The following CYP2J2 variants were observed in gnomAD, a reference collection of about 807,000 sequenced individuals.
CYP2J2 encodes the protein cytochrome P450 family 2 subfamily J member 2.
CYP2J2 carries 41 observed loss-of-function variants against 48.8 expected under a neutral mutation model. The observed-to-expected ratio is 0.84, with a 90% CI of 0.66 to 1.09. The LOEUF is 1.09. CYP2J2 is among the 50% of genes least tolerant of loss of function. The pLI is 0.00. For missense variants in CYP2J2, 644 were observed against 617.3 expected (o/e 1.04, Z -0.46); for synonymous variants, 221 against 227.1 (o/e 0.97, Z 0.24).
At chr1:59,964,077 G>A in the CYP2J2 span, among the ~76,000 whole-genome samples, 1 of 152,120 alleles carries the variant, frequency 6.6e-6, no homozygotes, top group African/African-American at 2.4e-5. Flanking sequence ...GAAAACACAA[G>A]ACCAGCCTCT....
intron 4 of CYP2J2, among the ~76,000 whole-genome samples, chr1:59,910,327 G>A (rs541158563): frequency 1.7e-3 from 266 of 152,280 alleles, no homozygotes; most frequent in Middle Eastern, 0.01. Flanking sequence ...AGAAATATAT[G>A]CTGAAATATT....
chr1:59,942,319 G>C, the CYP2J2 span, among the ~76,000 whole-genome samples: 4 of 152,078 alleles, frequency 2.6e-5, no homozygotes, highest in Non-Finnish European at 5.9e-5. Flanking sequence ...AATAGAGCTA[G>C]TTATAGTTGA....
chr1:59,924,611 T>G (rs1183518714), intron 1 of CYP2J2, among the ~76,000 whole-genome samples: 1 of 152,082 alleles, frequency 6.6e-6, no homozygotes, highest in Non-Finnish European at 1.5e-5. Flanking sequence ...CAGCTACATC[T>G]GCATATCGTA....
At chr1:59,909,242 A>G (rs1310419223) in intron 5 of CYP2J2, among the ~76,000 whole-genome samples, 1 of 152,134 alleles carries the variant, frequency 6.6e-6, no homozygotes, top group Non-Finnish European at 1.5e-5. Flanking sequence ...CTGAGTAATG[A>G]CCCGCAAAGA....
At chr1:59,949,061 A>G in the CYP2J2 span, among the ~76,000 whole-genome samples, 1 of 151,704 alleles carries the variant, frequency 6.6e-6, no homozygotes, top group Non-Finnish European at 1.5e-5. Flanking sequence ...AAATGAAAGA[A>G]AAAGAACAGA....
chr1:59,946,838 T>A, the CYP2J2 span, among the ~76,000 whole-genome samples: 1 of 152,220 alleles, frequency 6.6e-6, no homozygotes, highest in Non-Finnish European at 1.5e-5. Flanking sequence ...TCTTTGAAAT[T>A]ATAATACCTA....
chr1:59,950,973 T>C, the CYP2J2 span, among the ~76,000 whole-genome samples: 2 of 152,192 alleles, frequency 1.3e-5, no homozygotes. Flanking sequence ...GCACCACTTC[T>C]GCCAGATTCT....
At chr1:59,965,061 T>C in the CYP2J2 span, among the ~76,000 whole-genome samples, 1 of 152,210 alleles carries the variant, frequency 6.6e-6, no homozygotes, top group South Asian at 2.1e-4. Flanking sequence ...AACATAATTA[T>C]GAGTATATGA....
chr1:59,895,543 A>G (rs898525617), intron 8 of CYP2J2, among the ~76,000 whole-genome samples: 6 of 152,238 alleles, frequency 3.9e-5, no homozygotes, highest in African/African-American at 1.4e-4. Context: ...CTCTGTAACT[A>G]ATAAGTACTT....
At chr1:59,940,797 C>T in the CYP2J2 span, among the ~76,000 whole-genome samples, 3 of 152,078 alleles carry the variant, frequency 2.0e-5, no homozygotes, top group African/African-American at 7.2e-5. Flanking sequence ...CAATGGAAAA[C>T]TATTTGCCCA....
At chr1:59,903,512 T>C (rs1644338528) in intron 7 of CYP2J2, among the ~76,000 whole-genome samples, 1 of 152,100 alleles carries the variant, frequency 6.6e-6, no homozygotes, top group African/African-American at 2.4e-5. Flanking sequence ...CAATAGACAC[T>C]GGGGATTACT....
chr1:59,956,976 G>T, the CYP2J2 span, among the ~76,000 whole-genome samples: 2 of 152,236 alleles, frequency 1.3e-5, no homozygotes, highest in Admixed American at 6.5e-5. Context: ...GGGATCACAT[G>T]GAAAAGCCCT....
intron 8 of CYP2J2, among the ~76,000 whole-genome samples, chr1:59,895,621 C>CAT (rs1340471004): frequency 1.3e-5 from 2 of 151,858 alleles, no homozygotes; most frequent in Non-Finnish European, 2.9e-5. Flanking sequence ...ATTTCTTGAC[C>CAT]ATATATATTT....
At chr1:59,896,973 C>T (rs1249932983) in intron 8 of CYP2J2, among the ~76,000 whole-genome samples, 3 of 152,076 alleles carry the variant, frequency 2.0e-5, no homozygotes, top group South Asian at 4.1e-4. Flanking sequence ...ATTTAATATT[C>T]GTGGAAATGT....
At chr1:59,897,785 C>T (rs530611867) in intron 8 of CYP2J2, among the ~76,000 whole-genome samples, 13 of 152,058 alleles carry the variant, frequency 8.5e-5, no homozygotes, top group Non-Finnish European at 7.4e-5. Context: ...AACTTTGAAA[C>T]CTGTCTTGAT....
chr1:59,894,043 A>G (rs531685530), intron 8 of CYP2J2, among the ~76,000 whole-genome samples: 1 of 152,326 alleles, frequency 6.6e-6, no homozygotes, highest in East Asian at 1.9e-4. Flanking sequence ...GTCAAATGCC[A>G]TCAGGGGTCC....
the CYP2J2 span, among the ~76,000 whole-genome samples, chr1:59,953,410 G>C: frequency 6.6e-6 from 1 of 152,120 alleles, no homozygotes. Context: ...GAGAAAAAGA[G>C]TAAATGAAAA....
At chr1:59,962,546 A>C in the CYP2J2 span, among the ~76,000 whole-genome samples, 1 of 152,234 alleles carries the variant, frequency 6.6e-6, no homozygotes, top group African/African-American at 2.4e-5. Flanking sequence ...AATCAAACAA[A>C]CAGAGAAATA....
intron 8 of CYP2J2, among the ~76,000 whole-genome samples, chr1:59,895,113 A>C (rs1166716388): frequency 6.6e-6 from 1 of 152,254 alleles, no homozygotes; most frequent in African/African-American, 2.4e-5. Flanking sequence ...CCAAGCCAGG[A>C]AATTAACACT....
Sources: gnomAD v4.1 joint callset for allele counts (sites outside exome capture counted in the v4.1 genomes callset) on GRCh38, gnomAD v4.1.1 for gene constraint, MANE v1.5 for transcripts, NCBI Gene and HGNC (gene_info 2026-07-23, HGNC 2026-07-21) for gene names.